CFAP20DC: variants seen among roughly 807,000 people sequenced by gnomAD.
CFAP20DC encodes protein CFAP20DC.
Under a neutral mutation model 101.7 loss-of-function variants are expected in CFAP20DC, and 84 were observed. The observed-to-expected ratio is 0.83, with a 90% CI of 0.69 to 0.99. The LOEUF (loss-of-function observed/expected upper bound fraction) is 0.99, where lower values mean the gene tolerates loss of function less well. Among genes scored for constraint, CFAP20DC ranks in the 50% least tolerant of loss-of-function variants. The probability of loss-of-function intolerance (pLI) is 0.00; values close to 1 mark genes in which losing one functional copy is unlikely to be tolerated. For synonymous variants in CFAP20DC, 359 were observed against 351.2 expected, an observed-to-expected ratio of 1.02 and a Z score of -0.25; for missense variants, 1,007 against 970.3, an observed-to-expected ratio of 1.04 and a Z score of -0.50.
Position 59,011,613 on chromosome 3 carries a change from G to A in CFAP20DC, c.278+27944C>T, listed in dbSNP as rs543644106. ...AGAAGAAAAGAAATAACAAAGATCA[G>A]AGCAGAATTAAACGAAATGGAAACA... On this transcript the variant is annotated intron_variant, in intron 4 of 16. Coordinates refer to ENST00000482387, the MANE Select transcript of CFAP20DC (RefSeq NM_001394063.1). Among the ~76,000 whole-genome samples, 19 of 151,992 alleles carry A rather than the reference G, an allele frequency of 1.3e-4. No individual in the cohort carries two copies. The South Asian group carries it at 2.5e-3, about 20-fold the overall frequency.
intron 4 of CFAP20DC, among the ~76,000 whole-genome samples, chr3:58,963,190 T>TTGTG (rs56234919): frequency 0.19 from 22,074 of 117,842 alleles, 2,294 homozygotes; most frequent in Non-Finnish European, 0.22. Context: ...GTTCAGTAGT[T>TTGTG]TGTGTGTGTG....
In CFAP20DC at chr3:58,811,959, T is replaced by C. The variant is rs567717936; in HGVS notation, c.2176-5503A>G. Among the ~76,000 whole-genome samples, 1,222 of 152,186 alleles carry C rather than the reference T, an allele frequency of 8.0e-3. 19 individuals are homozygous for C. Among genetic ancestry groups the C allele is most frequent in the African/African-American group, 0.028 (1,162 of 41,546 alleles). Reference sequence around the variant, plus strand: ...GCCAAAAAACACATGAAAAAATGCTTACCATCACTGGCCATCAGAGAAATG... The same window carrying C: ...GCCAAAAAACACATGAAAAAATGCTCACCATCACTGGCCATCAGAGAAATG... On this transcript the variant is annotated intron_variant, in intron 14 of 16. Transcript: ENST00000482387.
intron 16 of CFAP20DC, among the ~76,000 whole-genome samples, chr3:58,745,279 G>C (rs2068115234): frequency 6.6e-6 from 1 of 152,172 alleles, no homozygotes; most frequent in African/African-American, 2.4e-5. Flanking sequence ...GACTACTTGA[G>C]AGAAATGAAT....
chr3:58,836,054 T>G (rs570174527), intron 13 of CFAP20DC, among the ~76,000 whole-genome samples: 1 of 152,306 alleles, frequency 6.6e-6, no homozygotes, highest in Non-Finnish European at 1.5e-5. Flanking sequence ...TCAGCTGTGC[T>G]CAGATTCGCA....
At chr3:58,860,975 A>T (rs2079198294) in intron 12 of CFAP20DC, among the ~76,000 whole-genome samples, 1 of 152,192 alleles carries the variant, frequency 6.6e-6, no homozygotes, top group South Asian at 2.1e-4. Context: ...AATAAAATAT[A>T]TGATAAAGCA....
At chr3:59,022,822 T>C (rs1361892564) in intron 4 of CFAP20DC, among the ~76,000 whole-genome samples, 2 of 152,172 alleles carry the variant, frequency 1.3e-5, no homozygotes, top group Non-Finnish European at 2.9e-5. Context: ...TATTATAGGC[T>C]TATATTCAAA....
At chr3:58,806,708 T>C (rs138987478) in intron 14 of CFAP20DC, among the ~76,000 whole-genome samples, 2,049 of 152,168 alleles carry the variant, frequency 0.013, 38 homozygotes, top group African/African-American at 0.046. Context: ...GAGTGCCAGA[T>C]AGTGGGTGCA....
At chr3:58,903,739 G>A (rs192740979) in intron 6 of CFAP20DC, among the ~76,000 whole-genome samples, 71 of 152,174 alleles carry the variant, frequency 4.7e-4, no homozygotes, top group East Asian at 4.1e-3. Flanking sequence ...ACCTCTCACC[G>A]GGTCTCTCCC....
At chr3:58,928,338 G>A (rs992309298) in intron 5 of CFAP20DC, among the ~76,000 whole-genome samples, 2 of 152,184 alleles carry the variant, frequency 1.3e-5, no homozygotes, top group Non-Finnish European at 2.9e-5. Flanking sequence ...ACCATAGTGC[G>A]CTTCCTGGAA....
intron 3 of CFAP20DC, among the ~76,000 whole-genome samples, chr3:59,043,495 TAA>T (rs1699591972): frequency 1.3e-5 from 2 of 151,770 alleles, no homozygotes; most frequent in Non-Finnish European, 2.9e-5. Context: ...CATGACAAGA[TAA>T]AAATGATACT....
intron 4 of CFAP20DC, among the ~76,000 whole-genome samples, chr3:58,944,029 G>A (rs1272618190): frequency 6.6e-6 from 1 of 152,102 alleles, no homozygotes; most frequent in Non-Finnish European, 1.5e-5. Flanking sequence ...AGAGAAAAAA[G>A]AATGAAAGAG....
chr3:59,030,583 G>T (rs2093972046), intron 4 of CFAP20DC, among the ~76,000 whole-genome samples: 1 of 152,102 alleles, frequency 6.6e-6, no homozygotes, highest in African/African-American at 2.4e-5. Context: ...TGTCCATGTA[G>T]ATAAGAGAAC....
chr3:59,012,479 C>G (rs2093606022), intron 4 of CFAP20DC, among the ~76,000 whole-genome samples: 1 of 150,876 alleles, frequency 6.6e-6, no homozygotes, highest in African/African-American at 2.4e-5. Flanking sequence ...TACCAAGAGT[C>G]CAGTGGTTTT....
At chr3:58,738,568 A>G (rs571146878), downstream of CFAP20DC, among the ~76,000 whole-genome samples, 1 of 152,194 alleles carries the variant, frequency 6.6e-6, no homozygotes, top group South Asian at 2.1e-4. This position sits in a 1 kb window ranked among gnomAD's most constrained non-coding sequence, Gnocchi z 4.4. Context: ...ATGTACCACA[A>G]TTTCTTTGTC....
At chr3:58,765,348 C>G (rs1241912518) in intron 15 of CFAP20DC, among the ~76,000 whole-genome samples, 5 of 151,522 alleles carry the variant, frequency 3.3e-5, no homozygotes, top group African/African-American at 7.3e-5. Flanking sequence ...TTAATCATCT[C>G]TTTATGTATA....
rs10575757 is a variant in CFAP20DC at position 58,860,175 on chromosome 3, CAAA to C, written c.1593+3380_1593+3382del. ...CTGGCTACAGGGCAAAACTCCATCT[CAAA>C]AAAAAAAAAAAAAAAAGAAAGAAAA... On this transcript the variant is annotated intron_variant, in intron 12 of 16. Transcript: ENST00000482387. Among the ~76,000 whole-genome samples the C allele has an allele frequency of 1.3e-3, 102 of 78,162 alleles. 1 individual carries two copies. The highest frequency in any genetic ancestry group is 4.1e-3 in the African/African-American group (89 of 21,618). 51.3% of individuals were successfully genotyped at this position (78,162 alleles called of 152,430 possible).
At chr3:59,048,490 G>A (rs1236680201) in intron 1 of CFAP20DC, among the ~76,000 whole-genome samples, 1 of 152,152 alleles carries the variant, frequency 6.6e-6, no homozygotes, top group Admixed American at 6.5e-5. Context: ...CATACTCGGT[G>A]AGACGGCAAA....
At chr3:58,939,117 C>G (rs370961546) in intron 4 of CFAP20DC, among the ~76,000 whole-genome samples, 1 of 152,254 alleles carries the variant, frequency 6.6e-6, no homozygotes, top group East Asian at 1.9e-4. Context: ...GAACTTTCAC[C>G]TCATCCCCTT....
chr3:58,741,659 G>T (rs1273459394), downstream of CFAP20DC, among the ~76,000 whole-genome samples: 2 of 151,964 alleles, frequency 1.3e-5, no homozygotes, highest in Non-Finnish European at 2.9e-5. Context: ...ACCACACCCG[G>T]CTAATTTTTT....
Sources: allele counts gnomAD v4.1 joint callset (sites outside exome capture counted in the v4.1 genomes callset), GRCh38; gene constraint gnomAD v4.1.1; non-coding constraint Gnocchi (gnomAD v3.1); transcripts MANE v1.5; gene names NCBI Gene and HGNC (gene_info 2026-07-23, HGNC 2026-07-21).